FOLH1: variants seen among roughly 807,000 people sequenced by gnomAD.
FOLH1 encodes folate hydrolase 1.
Under a neutral mutation model 93.9 loss-of-function variants are expected in FOLH1, and 54 were observed. That is an observed-to-expected ratio of 0.57 (90% CI 0.46 to 0.72). FOLH1 has a LOEUF of 0.72. Among genes scored for constraint, FOLH1 ranks in the 30% least tolerant of loss-of-function variants. The pLI is 0.00. For missense variants in FOLH1, 571 were observed against 892.5 expected, an observed-to-expected ratio of 0.64 and a Z score of 4.59; for synonymous variants, 249 against 303.6, an observed-to-expected ratio of 0.82 and a Z score of 1.87.
intron 3 of FOLH1, among the ~76,000 whole-genome samples, chr11:49,195,390 T>C (rs1408557258): frequency 1.3e-5 from 2 of 152,104 alleles, no homozygotes; most frequent in Non-Finnish European, 2.9e-5. Context: ...AATCCAAATT[T>C]GTGAGATGTA....
At chr11:49,154,675 A>G (rs34033751) in intron 15 of FOLH1, among the ~76,000 whole-genome samples, 183 bp from the exon 16 acceptor site, 13,683 of 152,138 alleles carry the variant, frequency 0.09, 804 homozygotes, top group East Asian at 0.26. Context: ...CCAGGCTTGT[A>G]TCAATTAAAA....
intron 15 of FOLH1, chr11:49,155,579 A>T (rs995936699): frequency 4.2e-6 from 1 of 236,932 alleles, no homozygotes; most frequent in Non-Finnish European, 8.5e-6. Flanking sequence ...CATAAAATTT[A>T]AAATTGAAAA....
intron 7 of FOLH1, among the ~76,000 whole-genome samples, chr11:49,182,845 G>A (rs1860930904): frequency 6.6e-6 from 1 of 152,084 alleles, no homozygotes; most frequent in African/African-American, 2.4e-5. Context: ...ACACCTACAG[G>A]AAGCATGGTC....
intron 17 of FOLH1, among the ~76,000 whole-genome samples, chr11:49,148,954 A>G (rs1856110577): frequency 6.6e-6 from 1 of 152,044 alleles, no homozygotes; most frequent in Admixed American, 6.6e-5. Context: ...TTATACTTTT[A>G]AGTTCGAGGG....
At chr11:49,206,456 A>T (rs1423441873) in intron 1 of FOLH1, 2 of 626,318 alleles carry the variant, frequency 3.2e-6, no homozygotes, top group Non-Finnish European at 5.4e-6. Context: ...ATCAGGACGA[A>T]AATAAAATGA....
At chr11:49,208,190 A>G in intron 1 of FOLH1, 102 bp downstream of exon 1, 1 of 855,370 alleles carries the variant, frequency 1.2e-6, no homozygotes. Context: ...GCCCCTGGGG[A>G]AGACCAGCAA....
intron 12 of FOLH1, among the ~76,000 whole-genome samples, chr11:49,168,479 C>T (rs116701676): frequency 0.01 from 1,532 of 152,214 alleles, 23 homozygotes; most frequent in African/African-American, 0.035. Flanking sequence ...CCTCAAATGC[C>T]TATTCCCTTT....
intron 3 of FOLH1, among the ~76,000 whole-genome samples, chr11:49,193,495 T>C (rs958588863): frequency 6.6e-6 from 1 of 152,116 alleles, no homozygotes; most frequent in Non-Finnish European, 1.5e-5. Flanking sequence ...ATTATAATAG[T>C]GCTTAGATAA....
intron 15 of FOLH1, among the ~76,000 whole-genome samples, chr11:49,155,216 T>C (rs565354814): frequency 6.6e-6 from 1 of 152,268 alleles, no homozygotes; most frequent in East Asian, 1.9e-4. Context: ...GGTTTGAATC[T>C]AGGCTTCAGG....
Position 49,157,947 on chromosome 11 carries a change from T to A in FOLH1, c.1532+5A>T. 6.4e-7 allele frequency: 1 copy of A among 1,573,050 alleles called. No homozygotes were observed. Among genetic ancestry groups the A allele is most frequent in the African/African-American group, 1.4e-5 (1 of 73,440 alleles). Reference sequence around the variant, plus strand: ...ATTCAGTGGAAACTTCATTCATTTGTTTACCTGGGCATGCCACTGAACTCT... The same window carrying A: ...ATTCAGTGGAAACTTCATTCATTTGATTACCTGGGCATGCCACTGAACTCT... On this transcript the variant is annotated splice_donor_5th_base_variant and intron_variant, in intron 14 of 18. Transcript: ENST00000256999.
chr11:49,183,840 G>T (rs1861068151), intron 6 of FOLH1, among the ~76,000 whole-genome samples: 1 of 152,016 alleles, frequency 6.6e-6, no homozygotes, highest in South Asian at 2.1e-4. Context: ...ACTAGATAGT[G>T]ATTGCTTCTA....
chr11:49,160,083 C>A lies in FOLH1; in HGVS notation c.1441-2040G>T, dbSNP rs1162288813. Among the ~76,000 whole-genome samples, 3 of 151,166 alleles carry A rather than the reference C, an allele frequency of 2.0e-5. No homozygotes were observed. In the South Asian group the frequency reaches 6.2e-4, roughly 31 times the overall value. ...ACCTGCCACCACACCCAGCTAATTT[C>A]CATTTCTTCTAGATTCTTTAGTTTA... On this transcript the variant is annotated intron_variant, in intron 13 of 18. Transcript: ENST00000256999.
At chr11:49,171,711 C>T (rs542007588) in intron 10 of FOLH1, among the ~76,000 whole-genome samples, 19 of 152,022 alleles carry the variant, frequency 1.2e-4, no homozygotes, top group Non-Finnish European at 2.5e-4. Flanking sequence ...TCAGCTGGTC[C>T]GTATGATTTC....
At chr11:49,187,226 C>T (rs1474374768) in intron 4 of FOLH1, among the ~76,000 whole-genome samples, 1 of 152,158 alleles carries the variant, frequency 6.6e-6, no homozygotes, top group Non-Finnish European at 1.5e-5. Context: ...AACATCATTG[C>T]TTCACAGGTC....
At chr11:49,185,937 A>G in intron 5 of FOLH1, 82 bp from the exon 6 acceptor site, 2 of 1,445,802 alleles carry the variant, frequency 1.4e-6, no homozygotes. Context: ...TATTACACTT[A>G]AATGAGTACC....
chr11:49,191,943 G>C (rs1225293303), intron 4 of FOLH1, among the ~76,000 whole-genome samples: 2 of 152,150 alleles, frequency 1.3e-5, no homozygotes, highest in Non-Finnish European at 2.9e-5. Flanking sequence ...CAGTTGATCT[G>C]CCTGCCTCCG....
chr11:49,187,759 A>G (rs1354433727), intron 4 of FOLH1, among the ~76,000 whole-genome samples: 1 of 152,232 alleles, frequency 6.6e-6, no homozygotes, highest in Non-Finnish European at 1.5e-5. Flanking sequence ...TCTGCAGACA[A>G]TCTTCATCTG....
At chr11:49,156,894 T>C in intron 14 of FOLH1, 87 bp from the exon 15 acceptor site, 1 of 1,579,082 alleles carries the variant, frequency 6.3e-7, no homozygotes. Context: ...ACCCCATTCT[T>C]ACTATTATAA....
In FOLH1 at chr11:49,173,746, T is replaced by C. The variant is rs185333570; in HGVS notation, c.1106-270A>G. On this transcript the variant is annotated intron_variant, in intron 9 of 18. Transcript: ENST00000256999. ...TTAAGTAATTAAGAAAGTTTAAGGT[T>C]ATCCTTGTTCACATTTTTTGTAACT... 8.0e-5 allele frequency among the ~76,000 whole-genome samples: 11 copies of C among 138,014 alleles called. No homozygotes were observed. In the Admixed American group the frequency reaches 8.5e-4, roughly 11 times the overall value. 90.5% of individuals were successfully genotyped at this position (138,014 alleles called of 152,430 possible).
Sources: allele counts gnomAD v4.1 joint callset (sites outside exome capture counted in the v4.1 genomes callset), GRCh38; gene constraint gnomAD v4.1.1; transcripts MANE v1.5; gene names NCBI Gene and HGNC (gene_info 2026-07-23, HGNC 2026-07-21).